The following EPHA1 variants were observed in gnomAD, a reference collection of about 807,000 sequenced individuals.
EPHA1 encodes the protein EPH receptor A1, also known as ephrin type-A receptor 1.
In EPHA1, 92 loss-of-function variants were observed where a neutral mutation model predicts 110.1. The ratio of observed to expected loss-of-function variants is 0.84; its 90% CI spans 0.71 to 0.99. The LOEUF is 0.99. Ranked by LOEUF, EPHA1 falls within the 50% of genes least tolerant of loss-of-function variation. The probability of loss-of-function intolerance (pLI) is 0.00; values close to 1 mark genes in which losing one functional copy is unlikely to be tolerated. For missense variants in EPHA1, 1,204 were observed against 1,285.4 expected (o/e 0.94, Z 0.97); for synonymous variants, 500 against 516.1 (o/e 0.97, Z 0.42).
At chr7:143,404,822 A>G (rs1805501628) in intron 2 of EPHA1, among the ~76,000 whole-genome samples, 1 of 152,116 alleles carries the variant, frequency 6.6e-6, no homozygotes, top group African/African-American at 2.4e-5. Context: ...AATTTTCAAA[A>G]GCTCTCAAAT....
chr7:143,394,165 C>T (rs771141143), intron 15 of EPHA1, 29 bp downstream of exon 15: 2 of 1,592,074 alleles, frequency 1.3e-6, no homozygotes, highest in South Asian at 1.1e-5. Context: ...GAATTGGAGA[C>T]AAGATGAGGA....
rs3812407 is a variant in EPHA1, at chr7:143,398,285, T to G, written c.1464+36A>C. On this transcript the variant is annotated intron_variant, in intron 7 of 17. Transcript: ENST00000275815. Reference sequence around the variant, plus strand: ...AGGAATGTTGGGGTGTGCCCGGGCATGGACACTGAAGACCATCTCTCAGTA... The same window carrying G: ...AGGAATGTTGGGGTGTGCCCGGGCAGGGACACTGAAGACCATCTCTCAGTA... The G allele has an allele frequency of 3.1e-6, 5 of 1,611,454 alleles. No homozygotes were observed. In the South Asian group the frequency reaches 5.5e-5, roughly 18 times the overall value.
intron 2 of EPHA1, among the ~76,000 whole-genome samples, chr7:143,404,257 C>T (rs1296075496): frequency 7.3e-5 from 11 of 151,482 alleles, no homozygotes. Flanking sequence ...TGCTCTATTG[C>T]CCAGGCTAGA....
At chr7:143,396,351 C>T (rs553671048) in intron 11 of EPHA1, 34 bp downstream of exon 11, 28 of 1,600,782 alleles carry the variant, frequency 1.7e-5, no homozygotes, top group Admixed American at 3.4e-5. Context: ...CCCCACATGG[C>T]GGGGGGCCTG....
intron 9 of EPHA1, 69 bp downstream of exon 9, chr7:143,397,492 G>A: frequency 1.3e-6 from 2 of 1,595,190 alleles, no homozygotes; most frequent in South Asian, 2.2e-5. Flanking sequence ...GGATGGGAGG[G>A]TCGTTGGGGC....
At chr7:143,402,895 T>G (rs1322899159) in intron 2 of EPHA1, among the ~76,000 whole-genome samples, 1 of 152,214 alleles carries the variant, frequency 6.6e-6, no homozygotes, top group Non-Finnish European at 1.5e-5. Context: ...TTTAATTCCC[T>G]CACCCTCATC....
intron 2 of EPHA1, among the ~76,000 whole-genome samples, chr7:143,402,174 T>C (rs768269833): frequency 2.0e-5 from 3 of 151,860 alleles, no homozygotes; most frequent in Non-Finnish European, 2.9e-5. Flanking sequence ...GATGATCCTC[T>C]TGCTTGGCCT....
At chr7:143,407,234 T>C (rs1369570512) in intron 2 of EPHA1, among the ~76,000 whole-genome samples, 1 of 152,164 alleles carries the variant, frequency 6.6e-6, no homozygotes, top group Non-Finnish European at 1.5e-5. Flanking sequence ...GGATCTCAGA[T>C]TGAGGATGCT....
chr7:143,397,352 G>A lies in EPHA1; in HGVS notation c.1723C>T (p.Arg575Trp), dbSNP rs780288031. 98 of 1,549,714 alleles carry A rather than the reference G, an allele frequency of 6.3e-5. No individual in the cohort carries two copies. The highest frequency in any genetic ancestry group is 5.9e-4 in the Admixed American group (30 of 50,986). Residue 575 changes from arginine (R) to tryptophan (W), a missense_variant, in exon 10 of 18, where the codon CGG becomes TGG. Arg to Trp is a moderately radical substitution (Grantham distance 101, BLOSUM62 -3). Transcript: ENST00000275815. ...TCACGCTGCCTCTGCTGCCTCTGCCGCTGGGCTCTCCTGTGGGGGTTGGGG... is the reference window on the plus strand; with the variant it reads ...TCACGCTGCCTCTGCTGCCTCTGCCACTGGGCTCTCCTGTGGGGGTTGGGG... ...ILVFRSRRAQ[R>W]QRQQRQRDRA...
intron 16 of EPHA1, 145 bp from the exon 17 acceptor site, chr7:143,391,920 T>G: frequency 2.1e-6 from 3 of 1,446,274 alleles, no homozygotes; most frequent in Non-Finnish European, 2.7e-6. Flanking sequence ...CCATTATCTC[T>G]GAGCCCACTT....
Position 143,399,238 on chromosome 7 carries a change from GCCCCACCCC to G in EPHA1, c.991+11_991+19del. 1 of 1,602,916 alleles carries G rather than the reference GCCCCACCCC, an allele frequency of 6.2e-7. No homozygotes were observed. Among genetic ancestry groups the G allele is most frequent in the Non-Finnish European group, 8.5e-7 (1 of 1,176,540 alleles). On this transcript the variant is annotated intron_variant, in intron 5 of 17. Coordinates refer to ENST00000275815, the MANE Select transcript of EPHA1 (RefSeq NM_005232.5). ...CCAGCCCCTCCCTCCAGATGGCCAC[GCCCCACCCC>G]CTGGACTCACCTGTGCATGCCACCT...
At position 143,399,400 on chromosome 7, in the gene EPHA1, G is replaced by C; in HGVS notation, c.849C>G (p.Gly283=). The C allele has an allele frequency of 6.3e-7, 1 of 1,589,940 alleles. No homozygotes were observed. The highest frequency in any genetic ancestry group is 8.6e-7 in the Non-Finnish European group (1 of 1,167,410). Residue 283 remains glycine (G), a synonymous_variant, in exon 5 of 18, where the codon GGC becomes GGG. Coordinates refer to ENST00000275815, the MANE Select transcript of EPHA1 (RefSeq NM_005232.5). ...GTGTGTCCATGTCCATCCGGTAGGA[G>C]CCGCTAGGGCAGGCTGGAGAGAGAA... ...SGEACVACPS[G]SYRMDMDTPH...
intron 2 of EPHA1, among the ~76,000 whole-genome samples, chr7:143,406,139 G>T (rs1298670268): frequency 2.6e-5 from 4 of 152,214 alleles, no homozygotes; most frequent in African/African-American, 9.7e-5. Context: ...CTGACTGCCG[G>T]GGATGGGAAC....
intron 2 of EPHA1, among the ~76,000 whole-genome samples, chr7:143,404,530 T>A (rs1462637610): frequency 6.6e-6 from 1 of 152,184 alleles, no homozygotes; most frequent in Non-Finnish European, 1.5e-5. Flanking sequence ...GAGAGATATA[T>A]CTTTATATAT....
intron 1 of EPHA1, among the ~76,000 whole-genome samples, chr7:143,408,140 T>C (rs1484664892): frequency 6.6e-6 from 1 of 152,160 alleles, no homozygotes; most frequent in Non-Finnish European, 1.5e-5. Flanking sequence ...TGCTTTGGCC[T>C]GACCTGGCCA....
rs368447688 is a variant in EPHA1 at position 143,393,887 on chromosome 7, G to C, written c.2503-23C>G. 19 of 1,520,286 alleles carry C rather than the reference G, an allele frequency of 1.2e-5. No homozygotes were observed. Among genetic ancestry groups the C allele is most frequent in the Non-Finnish European group, 1.7e-5 (19 of 1,133,098 alleles). The allele number at this position is 1,520,286 out of a possible 1,614,324, so 94.2% of individuals were successfully genotyped here. ...AACCTGCACGGCGGGACAGGAGGAT[G>C]CTCTAGAGTAGCAAGCTAACCTGGA... On this transcript the variant is annotated intron_variant, in intron 15 of 17. Transcript: ENST00000275815. The surrounding 1 kb of genome is among the most constrained non-coding windows in gnomAD (Gnocchi z 5.6).
intron 2 of EPHA1, among the ~76,000 whole-genome samples, chr7:143,405,692 T>A (rs1484724384): frequency 6.6e-6 from 1 of 152,180 alleles, no homozygotes; most frequent in Admixed American, 6.5e-5. Flanking sequence ...TGTGGGTGAT[T>A]AGCTGATTTA....
Position 143,396,693 on chromosome 7 carries a change from T to C in EPHA1, c.1772-183A>G. ...CAACTAGGCCTTTCTTCTCCCTGTC[T>C]ATGCTCCAAGCTCCGCTGTCCTCAC... is the stretch of plus-strand genomic sequence containing the variant. On this transcript the variant is annotated intron_variant, in intron 10 of 17. Transcript: ENST00000275815. The C allele has an allele frequency of 4.6e-6, 3 of 654,318 alleles. No homozygotes were observed. In the South Asian group the frequency reaches 5.8e-5, roughly 13 times the overall value. The allele number at this position is 654,318 out of a possible 1,614,324, so 40.5% of individuals were successfully genotyped here. A position where few individuals can be genotyped will look rare whatever the true frequency, so the allele number is the denominator to read the frequency against.
Position 143,407,610 on chromosome 7 carries a change from C to A in EPHA1, c.150+1G>T. The stretch of plus-strand genomic sequence containing the variant: ...AGATCCTTCCCTCTTCCGACACTTA[C>A]CCCATCTTTTGGGGGATCCAGCAGC... On this transcript the variant is annotated splice_donor_variant, in intron 2 of 17. Transcript: ENST00000275815. LOFTEE classifies it high-confidence loss of function. The A allele has an allele frequency of 6.2e-7, 1 of 1,613,312 alleles. No homozygotes were observed. The highest frequency in any genetic ancestry group is 8.5e-7 in the Non-Finnish European group (1 of 1,179,576).
Sources: allele counts gnomAD v4.1 joint callset (sites outside exome capture counted in the v4.1 genomes callset), GRCh38; gene constraint gnomAD v4.1.1; non-coding constraint Gnocchi (gnomAD v3.1); transcripts MANE v1.5; gene names NCBI Gene and HGNC (gene_info 2026-07-23, HGNC 2026-07-21).